Variants in SLC38A12 observed in about 807,000 individuals in gnomAD.
SLC38A12 encodes putative sodium-coupled neutral amino acid transporter 12.
chr17:74,822,938 A>G, the SLC38A12 span, among the ~76,000 whole-genome samples: 5 of 152,334 alleles, frequency 3.3e-5, no homozygotes, highest in South Asian at 1.0e-3. Flanking sequence ...GAGGGACCCC[A>G]CGAGGGTTTC....
the SLC38A12 span, among the ~76,000 whole-genome samples, chr17:74,812,981 C>CA: frequency 6.6e-6 from 1 of 151,990 alleles, no homozygotes; most frequent in Admixed American, 6.6e-5. Context: ...AAGCCAAAAC[C>CA]AAAAAAGCTT....
the SLC38A12 span, among the ~76,000 whole-genome samples, chr17:74,832,552 TG>T: frequency 3.9e-5 from 6 of 152,242 alleles, no homozygotes; most frequent in Non-Finnish European, 8.8e-5. Flanking sequence ...CTCCCCCTCC[TG>T]GTGTGTGAGC....
At chr17:74,789,957 T>G in the SLC38A12 span, among the ~76,000 whole-genome samples, 1 of 148,576 alleles carries the variant, frequency 6.7e-6, no homozygotes, top group African/African-American at 2.6e-5. Context: ...GTTTTTTTGT[T>G]TTTTTGTTTT....
the SLC38A12 span, chr17:74,790,432 G>A: frequency 7.6e-6 from 6 of 784,368 alleles, no homozygotes; most frequent in East Asian, 5.1e-5. Flanking sequence ...AGGCCCTGTG[G>A]TAGACTCAAA....
chr17:74,834,943 C>T, the SLC38A12 span, among the ~76,000 whole-genome samples: 1 of 152,202 alleles, frequency 6.6e-6, no homozygotes, highest in Non-Finnish European at 1.5e-5. Context: ...AGAGTGCCAT[C>T]TCCTCAGAGC....
chr17:74,811,436 G>A, the SLC38A12 span, among the ~76,000 whole-genome samples: 1 of 152,084 alleles, frequency 6.6e-6, no homozygotes, highest in Non-Finnish European at 1.5e-5. Flanking sequence ...TGGGGGCCAG[G>A]CTGGCCAGGC....
chr17:74,831,890 C>A, the SLC38A12 span, among the ~76,000 whole-genome samples: 1 of 152,380 alleles, frequency 6.6e-6, no homozygotes, highest in South Asian at 2.1e-4. Context: ...GCTCTTGGAG[C>A]CCTGCTCCCC....
At chr17:74,833,761 T>G in the SLC38A12 span, among the ~76,000 whole-genome samples, 1 of 152,180 alleles carries the variant, frequency 6.6e-6, no homozygotes, top group Non-Finnish European at 1.5e-5. Context: ...CATGCCAGCC[T>G]TGGGCAGGGC....
chr17:74,785,023 G>A, the SLC38A12 span, among the ~76,000 whole-genome samples: 1 of 152,122 alleles, frequency 6.6e-6, no homozygotes, highest in African/African-American at 2.4e-5. Context: ...ATGAATATCC[G>A]TGTCCCAAAG....
chr17:74,803,254 C>T, the SLC38A12 span, among the ~76,000 whole-genome samples: 1 of 152,248 alleles, frequency 6.6e-6, no homozygotes, highest in South Asian at 2.1e-4. Flanking sequence ...TCCGTGTATT[C>T]ATAGGCAAAG....
At chr17:74,812,209 G>A in the SLC38A12 span, among the ~76,000 whole-genome samples, 4 of 151,928 alleles carry the variant, frequency 2.6e-5, no homozygotes, top group Middle Eastern at 3.4e-3. Flanking sequence ...CTGTGCACAC[G>A]CAGCATGCTT....
the SLC38A12 span, among the ~76,000 whole-genome samples, chr17:74,815,524 G>C: frequency 3.3e-5 from 5 of 152,216 alleles, no homozygotes; most frequent in Non-Finnish European, 7.4e-5. Context: ...TTACTTTTGT[G>C]CTCTAATGTT....
At chr17:74,797,134 A>G in the SLC38A12 span, among the ~76,000 whole-genome samples, 1 of 152,338 alleles carries the variant, frequency 6.6e-6, no homozygotes, top group East Asian at 1.9e-4. Context: ...CAAAACGGAT[A>G]CTGAGCGCTG....
chr17:74,836,857 C>T, the SLC38A12 span: 1 of 1,409,516 alleles, frequency 7.1e-7, no homozygotes, highest in Non-Finnish European at 9.2e-7. This position sits in a 1 kb window ranked among gnomAD's most constrained non-coding sequence, Gnocchi z 4.2. Flanking sequence ...ACCTTCCACC[C>T]AGTCTGCACC....
chr17:74,838,581 T>A, the SLC38A12 span: 1 of 1,228,998 alleles, frequency 8.1e-7, no homozygotes, highest in East Asian at 4.3e-5. Context: ...TTCCCTGCCC[T>A]GGAGGGAACT....
chr17:74,804,675 G>T, the SLC38A12 span, among the ~76,000 whole-genome samples: 1 of 152,214 alleles, frequency 6.6e-6, no homozygotes, highest in Admixed American at 6.5e-5. Flanking sequence ...CCACCGCAGG[G>T]CATGTGTAGT....
the SLC38A12 span, among the ~76,000 whole-genome samples, chr17:74,833,323 T>C: frequency 2.1e-4 from 32 of 152,364 alleles, no homozygotes; most frequent in South Asian, 6.6e-3. Context: ...CCGCCATGGC[T>C]TTGTTCTAGC....
chr17:74,831,815 G>A, the SLC38A12 span, among the ~76,000 whole-genome samples: 1 of 152,180 alleles, frequency 6.6e-6, no homozygotes, highest in Non-Finnish European at 1.5e-5. Flanking sequence ...GGCTTCCCAC[G>A]CAGCCTCCAC....
At chr17:74,836,167 C>T in the SLC38A12 span, 1 of 1,613,510 alleles carries the variant, frequency 6.2e-7, no homozygotes, top group East Asian at 2.2e-5. This position sits in a 1 kb window ranked among gnomAD's most constrained non-coding sequence, Gnocchi z 4.2. Context: ...CTCTCCTTCA[C>T]CGCCATCTTC....
Sources: gnomAD v4.1 joint callset for allele counts (sites outside exome capture counted in the v4.1 genomes callset) on GRCh38, gnomAD v4.1.1 for gene constraint, Gnocchi (gnomAD v3.1) non-coding constraint, MANE v1.5 for transcripts, NCBI Gene and HGNC (gene_info 2026-07-23, HGNC 2026-07-21) for gene names.